The following BCAT1 variants were observed in gnomAD, a reference collection of about 807,000 sequenced individuals.
BCAT1 encodes the protein branched chain amino acid transaminase 1.
BCAT1 carries 48 observed loss-of-function variants against 52.4 expected under a neutral mutation model. That is an observed-to-expected ratio of 0.92 (90% CI 0.73 to 1.16). The LOEUF is 1.16. Ranked by LOEUF, BCAT1 falls within the 50% of genes most tolerant of loss-of-function variation. The pLI is 0.00. For synonymous variants in BCAT1, 167 were observed against 161.3 expected (o/e 1.04, Z -0.27); for missense variants, 451 against 457.1 (o/e 0.99, Z 0.12).
chr12:24,891,989 C>A (rs1414957348), intron 3 of BCAT1, among the ~76,000 whole-genome samples: 2 of 151,724 alleles, frequency 1.3e-5, no homozygotes, highest in Non-Finnish European at 2.9e-5. Context: ...GATCTCCTGA[C>A]CTCGTGATCC....
chr12:24,816,565 C>G lies in BCAT1; in HGVS notation c.*1443G>C. On this transcript the variant is annotated 3_prime_UTR_variant, in exon 11 of 11. Transcript: ENST00000261192. ...ACCTGCAAAAACAGAGTATAAAAATCAGAGTATGCCTCTTTGTTTTCTACC... is the reference window on the plus strand; with the variant it reads ...ACCTGCAAAAACAGAGTATAAAAATGAGAGTATGCCTCTTTGTTTTCTACC... The G allele has an allele frequency of 2.6e-6, 1 of 386,624 alleles. No individual in the cohort carries two copies. The highest frequency in any genetic ancestry group is 4.5e-6 in the Non-Finnish European group (1 of 222,548). The allele number at this position is 386,624 out of a possible 1,614,324, so 23.9% of individuals were successfully genotyped here. A position where few individuals can be genotyped will look rare whatever the true frequency, so the allele number is the denominator to read the frequency against.
chr12:24,910,867 G>A (rs1943312665), intron 1 of BCAT1, among the ~76,000 whole-genome samples: 2 of 152,184 alleles, frequency 1.3e-5, no homozygotes, highest in African/African-American at 4.8e-5. Context: ...CACTTTGGGA[G>A]GCCAAGGCGG....
At chr12:24,919,826 A>G (rs1029580214) in intron 1 of BCAT1, among the ~76,000 whole-genome samples, 1 of 152,162 alleles carries the variant, frequency 6.6e-6, no homozygotes, top group Non-Finnish European at 1.5e-5. Flanking sequence ...GGTTTCCCCC[A>G]TATAGTTTCT....
At chr12:24,889,771 C>T (rs1391297648) in intron 3 of BCAT1, among the ~76,000 whole-genome samples, 2 of 152,142 alleles carry the variant, frequency 1.3e-5, no homozygotes, top group Non-Finnish European at 2.9e-5. Context: ...GGGAGGCTTA[C>T]TTGGGCCCAG....
At chr12:24,884,519 G>A (rs4531567) in intron 3 of BCAT1, among the ~76,000 whole-genome samples, 6,150 of 152,286 alleles carry the variant, frequency 0.04, 397 homozygotes, top group African/African-American at 0.14. Flanking sequence ...TGATAAATAT[G>A]TTCAGTGATG....
intron 1 of BCAT1, among the ~76,000 whole-genome samples, chr12:24,915,818 G>A (rs1943397606): frequency 6.6e-6 from 1 of 152,176 alleles, no homozygotes; most frequent in Non-Finnish European, 1.5e-5. Context: ...TCTTAAGTTG[G>A]CTTTGTTGGA....
At chr12:24,866,272 C>T (rs1214032751) in intron 5 of BCAT1, among the ~76,000 whole-genome samples, 11 of 152,238 alleles carry the variant, frequency 7.2e-5, no homozygotes, top group Admixed American at 5.2e-4. Context: ...GGCCCACCGG[C>T]GCCGCGCTAG....
intron 9 of BCAT1, among the ~76,000 whole-genome samples, chr12:24,831,284 G>A (rs1043821144): frequency 6.6e-6 from 1 of 152,160 alleles, no homozygotes; most frequent in Non-Finnish European, 1.5e-5. Context: ...TGTGCCAATC[G>A]ACTGTTTTTG....
chr12:24,881,465 G>T, intron 3 of BCAT1, 54 bp from the exon 4 acceptor site: 1 of 1,202,836 alleles, frequency 8.3e-7, no homozygotes, highest in Non-Finnish European at 1.2e-6. Context: ...AACAACCCGT[G>T]TTCAAGAGAC....
chr12:24,887,080 A>AAAAAAT (rs1245203518), intron 3 of BCAT1, among the ~76,000 whole-genome samples: 2 of 40,750 alleles, frequency 4.9e-5, no homozygotes, highest in Non-Finnish European at 1.0e-4. Context: ...AAAAAAAAAA[A>AAAAAAT]ATATATATAT....
chr12:24,834,732 G>A (rs2139396440), intron 8 of BCAT1: 1 of 1,098,902 alleles, frequency 9.1e-7, no homozygotes, highest in Non-Finnish European at 1.1e-6. Context: ...GTCTACAATT[G>A]CAATTATGTT....
intron 1 of BCAT1, among the ~76,000 whole-genome samples, chr12:24,926,301 C>A (rs1591881619): frequency 6.6e-6 from 1 of 151,848 alleles, no homozygotes; most frequent in East Asian, 1.9e-4. Flanking sequence ...AAGTAAAGAG[C>A]CCCTCCGCCC....
chr12:24,889,600 C>A lies in BCAT1; in HGVS notation c.279+4675G>T, dbSNP rs749130312. Among the ~76,000 whole-genome samples the A allele has an allele frequency of 5.1e-4, 77 of 152,264 alleles. No homozygotes were observed. The Middle Eastern group carries it at 0.014, about 27-fold the overall frequency. The stretch of plus-strand genomic sequence containing the variant: ...CTGGTAACTCCCATAGCCCTTGTTA[C>A]AGTCTTTTGTTATAATGCTGGGTGT... On this transcript the variant is annotated intron_variant, in intron 3 of 10. Transcript: ENST00000261192.
chr12:24,831,942 A>T (rs572117128), intron 9 of BCAT1, among the ~76,000 whole-genome samples: 3 of 152,326 alleles, frequency 2.0e-5, no homozygotes, highest in African/African-American at 7.2e-5. Flanking sequence ...CTTCCAACCA[A>T]ATCCTCAAAT....
intron 3 of BCAT1, among the ~76,000 whole-genome samples, chr12:24,893,898 G>C (rs149583658): frequency 1.1e-4 from 17 of 152,238 alleles, no homozygotes; most frequent in African/African-American, 3.9e-4. Context: ...TGTGGAGTTA[G>C]CATTAAAATC....
chr12:24,832,931 T>A, intron 8 of BCAT1, 68 bp from the exon 9 acceptor site: 1 of 1,436,090 alleles, frequency 7.0e-7, no homozygotes, highest in Non-Finnish European at 9.4e-7. Flanking sequence ...TTGCAATACT[T>A]ACTGTTCTGC....
chr12:24,843,554 G>C (rs1941240746), intron 6 of BCAT1, among the ~76,000 whole-genome samples: 1 of 152,142 alleles, frequency 6.6e-6, no homozygotes, highest in Non-Finnish European at 1.5e-5. Context: ...AGTGAGCCAA[G>C]ATAGCACCAC....
chr12:24,830,826 A>G (rs1263056064), intron 9 of BCAT1: 2 of 152,224 alleles, frequency 1.3e-5, no homozygotes, highest in Non-Finnish European at 2.9e-5. Context: ...TTCTTCTCCC[A>G]TGAAACAGTC....
At chr12:24,878,877 C>G in intron 4 of BCAT1, among the ~76,000 whole-genome samples, 1 of 151,928 alleles carries the variant, frequency 6.6e-6, no homozygotes, top group Non-Finnish European at 1.5e-5. Flanking sequence ...ATCAGTGTAC[C>G]TCATAAATAT....
Sources: gnomAD v4.1 joint callset for allele counts (sites outside exome capture counted in the v4.1 genomes callset) on GRCh38, gnomAD v4.1.1 for gene constraint, MANE v1.5 for transcripts, NCBI Gene and HGNC (gene_info 2026-07-23, HGNC 2026-07-21) for gene names.